AFAP1L1: variants seen among roughly 807,000 people sequenced by gnomAD.
AFAP1L1 encodes the protein actin filament-associated protein 1-like 1.
In AFAP1L1, 77 loss-of-function variants were observed where a neutral mutation model predicts 99.8. That is an observed-to-expected ratio of 0.77 (90% CI 0.64 to 0.93). AFAP1L1 has a LOEUF of 0.93. AFAP1L1 is among the 40% of genes least tolerant of loss of function. AFAP1L1 has a pLI of 0.00. For missense variants in AFAP1L1, 893 were observed against 996.8 expected, an observed-to-expected ratio of 0.90 and a Z score of 1.40; for synonymous variants, 373 against 395.3, an observed-to-expected ratio of 0.94 and a Z score of 0.67.
In AFAP1L1 at chr5:149,329,673, T is replaced by C; in HGVS notation, c.1818T>C (p.Asn606=). Residue 606 remains asparagine, a synonymous_variant, in exon 16 of 19, where the codon AAT becomes AAC. Transcript: ENST00000296721. ...TTCCCCATATCTCTGCAGGTGCCAA[T>C]CAATACAAGTATGGCAAGAACCGAG... ...VKVKRHASSA[N]QYKYGKNRAE... 6.2e-7 allele frequency: 1 copy of C among 1,612,932 alleles called. No homozygotes were observed. The highest frequency in any genetic ancestry group is 2.2e-5 in the East Asian group (1 of 44,858).
At chr5:149,295,153 C>G (rs996525131) in intron 1 of AFAP1L1, among the ~76,000 whole-genome samples, 5 of 152,188 alleles carry the variant, frequency 3.3e-5, no homozygotes, top group Admixed American at 1.3e-4. Flanking sequence ...GAAACCCCAC[C>G]AGGACTGGCA....
chr5:149,338,370 G>A (rs1757466533), intron 18 of AFAP1L1, among the ~76,000 whole-genome samples: 3 of 152,206 alleles, frequency 2.0e-5, no homozygotes, highest in Non-Finnish European at 2.9e-5. Flanking sequence ...GCTGAGGTGG[G>A]AGGATCACTT....
intron 1 of AFAP1L1, among the ~76,000 whole-genome samples, chr5:149,296,068 C>G (rs1015151974): frequency 1.5e-4 from 23 of 152,164 alleles, no homozygotes; most frequent in African/African-American, 5.6e-4. Flanking sequence ...GGGTTTTGCT[C>G]TGTTACCCAG....
At chr5:149,309,438 T>G (rs960220233) in intron 7 of AFAP1L1, among the ~76,000 whole-genome samples, 1 of 152,232 alleles carries the variant, frequency 6.6e-6, no homozygotes, top group Non-Finnish European at 1.5e-5. Flanking sequence ...TCAGGGCTTT[T>G]GCGATTGGGT....
At chr5:149,334,463 A>C in intron 17 of AFAP1L1, among the ~76,000 whole-genome samples, 1 of 152,202 alleles carries the variant, frequency 6.6e-6, no homozygotes, top group South Asian at 2.1e-4. Flanking sequence ...AGATAAAGAG[A>C]AGCTTTCTCT....
Position 149,302,509 on chromosome 5 carries a change from A to G in AFAP1L1, c.419A>G (p.Glu140Gly). 6.3e-7 allele frequency: 1 copy of G among 1,584,644 alleles called. No individual in the cohort carries two copies. Among genetic ancestry groups the G allele is most frequent in the Non-Finnish European group, 8.6e-7 (1 of 1,165,026 alleles). Residue 140 changes from glutamate (E) to glycine (G), a missense_variant, in exon 5 of 19, where the codon GAG becomes GGG. By Grantham distance (98) the Glu-to-Gly change is moderately conservative. Coordinates refer to ENST00000296721, the MANE Select transcript of AFAP1L1 (RefSeq NM_152406.4). ...CCTCTGGGACCCGGCAAGTCGCCTG[A>G]GTACATCAGCTCCCACAGTAAGTTC... Reference protein sequence around the residue: ...ALPLGPGKSPEYISSHNGCSP... With the variant: ...ALPLGPGKSPGYISSHNGCSP...
chr5:149,280,869 C>T (rs1339720959), intron 1 of AFAP1L1, among the ~76,000 whole-genome samples: 3 of 152,210 alleles, frequency 2.0e-5, no homozygotes, highest in South Asian at 2.1e-4. Context: ...GAACTCCAGC[C>T]TCCAATAAAT....
chr5:149,273,441 G>C (rs552085123), intron 1 of AFAP1L1, among the ~76,000 whole-genome samples: 11 of 152,102 alleles, frequency 7.2e-5, no homozygotes, highest in African/African-American at 2.7e-4. Flanking sequence ...AGTCAGGCTT[G>C]GCGAGCTCAG....
At chr5:149,302,626 T>A in intron 5 of AFAP1L1, 100 bp downstream of exon 5, 1 of 972,950 alleles carries the variant, frequency 1.0e-6, no homozygotes, top group Non-Finnish European at 1.5e-6. Flanking sequence ...TGCAAGCCTG[T>A]CACCCTCCCA....
intron 14 of AFAP1L1, among the ~76,000 whole-genome samples, chr5:149,322,009 A>T (rs2127600587): frequency 6.6e-6 from 1 of 152,328 alleles, no homozygotes; most frequent in South Asian, 2.1e-4. Flanking sequence ...CAAAAAAAGA[A>T]ATTAGGACAG....
chr5:149,300,390 A>T (rs1373006085), intron 3 of AFAP1L1, 36 bp downstream of exon 3: 1 of 1,578,304 alleles, frequency 6.3e-7, no homozygotes, highest in South Asian at 1.1e-5. Context: ...CTACGGAGCC[A>T]TCCCTCTTTC....
intron 15 of AFAP1L1, among the ~76,000 whole-genome samples, chr5:149,324,129 T>C (rs2127601274): frequency 6.6e-6 from 1 of 152,328 alleles, no homozygotes; most frequent in Non-Finnish European, 1.5e-5. Context: ...TCCAACAAGG[T>C]TGTTTTTTAG....
At chr5:149,326,355 A>G (rs1303417802) in intron 15 of AFAP1L1, among the ~76,000 whole-genome samples, 1 of 152,064 alleles carries the variant, frequency 6.6e-6, no homozygotes, top group Non-Finnish European at 1.5e-5. Flanking sequence ...CCTAGCCAAC[A>G]TGGCAAAAGC....
intron 15 of AFAP1L1, among the ~76,000 whole-genome samples, chr5:149,324,376 C>G (rs1448277418): frequency 6.6e-6 from 1 of 151,196 alleles, no homozygotes; most frequent in Non-Finnish European, 1.5e-5. Flanking sequence ...TAATCCTACC[C>G]ATGAGGGCTC....
At chr5:149,310,192 C>T (rs1167444193) in intron 8 of AFAP1L1, 57 bp downstream of exon 8, 1 of 1,505,648 alleles carries the variant, frequency 6.6e-7, no homozygotes, top group African/African-American at 1.4e-5. Context: ...TTCCCCAAGC[C>T]AGCCCTCAGT....
chr5:149,327,458 C>T (rs756880659), intron 15 of AFAP1L1, among the ~76,000 whole-genome samples: 47 of 151,954 alleles, frequency 3.1e-4, no homozygotes, highest in Non-Finnish European at 4.6e-4. Flanking sequence ...CTACAGTATA[C>T]GTATATGGAA....
Position 149,335,639 on chromosome 5 carries a change from C to T in AFAP1L1, c.2200C>T (p.Pro734Ser), listed in dbSNP as rs1339162672. 1.9e-6 allele frequency: 3 copies of T among 1,613,090 alleles called. No individual in the cohort carries two copies. In the South Asian group the frequency reaches 3.3e-5, roughly 18 times the overall value. The change falls in exon 18 of 19, where the codon CCT (proline) becomes TCT (serine). Residue 734 changes from proline (P) to serine (S), a missense_variant. Coordinates refer to ENST00000296721, the MANE Select transcript of AFAP1L1 (RefSeq NM_152406.4). The part of the protein sequence containing the change: ...PQNSVPEQPL[P>S]VNCVSELRKR... ...GAACAGCGTTCCAGAGCAACCTCTC[C>T]CTGTCAACTGTGTTTCTGAGCTGAG...
Position 149,340,760 on chromosome 5 carries a change from A to C in AFAP1L1, c.*730A>C, listed in dbSNP as rs1398632539. ...CACAGTGATACTCAGTGACAGGAGC[A>C]CAGAGCTCTAATGTCCACAGGATGT... On this transcript the variant is annotated 3_prime_UTR_variant, in exon 19 of 19. Transcript: ENST00000296721. The C allele has an allele frequency of 6.6e-6, 1 of 152,232 alleles. No individual in the cohort carries two copies. Among genetic ancestry groups the C allele is most frequent in the African/African-American group, 2.4e-5 (1 of 41,474 alleles). The allele number at this position is 152,232 out of a possible 1,614,324, so 9.4% of individuals were successfully genotyped here. A position where few individuals can be genotyped will look rare whatever the true frequency, so the allele number is the denominator to read the frequency against.
chr5:149,300,341 CT>C lies in AFAP1L1; in HGVS notation c.219del (p.Phe73LeufsTer8). 1 of 1,613,074 alleles carries C rather than the reference CT, an allele frequency of 6.2e-7. No individual in the cohort carries two copies. Among genetic ancestry groups the C allele is most frequent in the Non-Finnish European group, 8.5e-7 (1 of 1,179,500 alleles). ...HSGPSFVESLFEEFDCDLSDL... is the reference protein window; with the variant it reads ...HSGPSFVESLXEEFDCDLSDL... ...CGGGGCCCAGCTTCGTGGAATCCCT[CT>C]TTGAAGAATTTGGTAAGTGACCCTC... is the stretch of plus-strand genomic sequence containing the variant. On this transcript the variant is annotated frameshift_variant, in exon 3 of 19. Transcript: ENST00000296721. LOFTEE classifies it high-confidence loss of function.
Sources: allele counts gnomAD v4.1 joint callset (sites outside exome capture counted in the v4.1 genomes callset), GRCh38; gene constraint gnomAD v4.1.1; transcripts MANE v1.5; gene names NCBI Gene and HGNC (gene_info 2026-07-23, HGNC 2026-07-21).